GRAMD1B: variants seen among roughly 807,000 people sequenced by gnomAD.
The protein encoded by GRAMD1B is protein Aster-B.
A neutral mutation model predicts 99.7 loss-of-function variants in GRAMD1B; 37 were observed. The observed-to-expected ratio is 0.37, with a 90% CI of 0.29 to 0.49. The LOEUF is 0.49. Ranked by LOEUF, GRAMD1B falls within the 20% of genes least tolerant of loss-of-function variation. The pLI, the probability that GRAMD1B is intolerant of heterozygous loss-of-function variation, is 0.98. For missense variants in GRAMD1B, 888 were observed against 1,009.2 expected, an observed-to-expected ratio of 0.88 and a Z score of 1.63; for synonymous variants, 427 against 387.6, an observed-to-expected ratio of 1.10 and a Z score of -1.19.
At chr11:123,408,449 G>A (rs753910648) in intron 1 of GRAMD1B, among the ~76,000 whole-genome samples, 10 of 152,216 alleles carry the variant, frequency 6.6e-5, no homozygotes, top group Non-Finnish European at 1.3e-4. Flanking sequence ...GTACTGGAAC[G>A]CAGAAGTCAC....
chr11:123,446,198 C>G (rs993361303), intron 1 of GRAMD1B, among the ~76,000 whole-genome samples: 1 of 152,072 alleles, frequency 6.6e-6, no homozygotes, highest in African/African-American at 2.4e-5. Context: ...TGGAGTCTCT[C>G]TTTGTCGCCC....
chr11:123,541,838 G>A (rs1259340420), intron 2 of GRAMD1B, among the ~76,000 whole-genome samples: 1 of 151,476 alleles, frequency 6.6e-6, no homozygotes, highest in Non-Finnish European at 1.5e-5. Flanking sequence ...TTTTTTTTGA[G>A]TCCTTCTGTG....
chr11:123,550,847 A>G (rs1257045882), intron 2 of GRAMD1B, among the ~76,000 whole-genome samples: 2 of 152,192 alleles, frequency 1.3e-5, no homozygotes, highest in Admixed American at 6.5e-5. Flanking sequence ...GGGACTCTCT[A>G]GAAATTCCAG....
chr11:123,427,978 A>G (rs576018666), upstream of GRAMD1B, among the ~76,000 whole-genome samples: 1 of 152,316 alleles, frequency 6.6e-6, no homozygotes, highest in South Asian at 2.1e-4. Context: ...ACTTAAATTC[A>G]GAGTGCCCAG....
At chr11:123,384,472 A>C (rs975521595) in intron 1 of GRAMD1B, among the ~76,000 whole-genome samples, 3 of 152,196 alleles carry the variant, frequency 2.0e-5, no homozygotes, top group East Asian at 3.9e-4. Context: ...CCTTCCCCTA[A>C]ACCCTCTAGT....
chr11:123,445,979 A>G (rs1949626885), intron 1 of GRAMD1B, among the ~76,000 whole-genome samples: 5 of 152,160 alleles, frequency 3.3e-5, no homozygotes, highest in Admixed American at 3.3e-4. Context: ...AGTACAATCC[A>G]CACTCATGTT....
intron 1 of GRAMD1B, 54 bp downstream of exon 1, chr11:123,431,220 C>G: frequency 1.6e-6 from 1 of 638,106 alleles, no homozygotes; most frequent in Non-Finnish European, 2.8e-6. Flanking sequence ...TCTCCAGAGC[C>G]GTCCAGGGCC....
intron 1 of GRAMD1B, among the ~76,000 whole-genome samples, chr11:123,410,602 C>G (rs1948011499): frequency 6.6e-6 from 1 of 152,154 alleles, no homozygotes; most frequent in Non-Finnish European, 1.5e-5. Flanking sequence ...GCCAGTAGCA[C>G]CTGCAGACCA....
chr11:123,613,113 C>A (rs142329860), intron 15 of GRAMD1B: 1 of 560,108 alleles, frequency 1.8e-6, no homozygotes, highest in African/African-American at 1.9e-5. Flanking sequence ...CACCCCTCAC[C>A]CCAAAAGGAA....
Position 123,600,478 on chromosome 11 carries a change from C to T in GRAMD1B, c.980C>T (p.Thr327Ile). The change falls in exon 8 of 20, where the codon ACT becomes ATT. Residue 327 changes from threonine to isoleucine, a missense_variant. By Grantham distance (89) the Thr-to-Ile change is moderately conservative. This residue lies in a region of GRAMD1B where 269 missense variants were observed against 296.6 expected (regional missense o/e 0.91). Coordinates refer to ENST00000635736, the MANE Select transcript of GRAMD1B (RefSeq NM_001387025.1). ...TCTTTTCCAATCTAGCACTTCTTCACTTCGTTTGGGGCCCGGGATAGGACA... is the reference window on the plus strand; with the variant it reads ...TCTTTTCCAATCTAGCACTTCTTCATTTCGTTTGGGGCCCGGGATAGGACA... The part of the protein sequence containing the change: ...VCTDSEKHFF[T>I]SFGARDRTYM... 1.2e-6 allele frequency: 2 copies of T among 1,605,686 alleles called. No homozygotes were observed. Among genetic ancestry groups the T allele is most frequent in the Non-Finnish European group, 1.7e-6 (2 of 1,173,622 alleles).
At position 123,435,292 on chromosome 11, in the gene GRAMD1B, G is replaced by C. The variant is rs918818329; in HGVS notation, c.374+4126G>C. 22 of 626,844 alleles carry C rather than the reference G, an allele frequency of 3.5e-5. No homozygotes were observed. The African/African-American group carries it at 4.0e-4, about 11-fold the overall frequency. The allele number at this position is 626,844 out of a possible 1,614,324, so 38.8% of individuals were successfully genotyped here. On this transcript the variant is annotated intron_variant, in intron 1 of 19. Transcript: ENST00000635736. ...AGAGAGAAAAACACCTTTCAGGCTT[G>C]CTATGAAATTCAGCGTGATGTGGTA...
intron 1 of GRAMD1B, among the ~76,000 whole-genome samples, chr11:123,409,747 T>C (rs910032131): frequency 5.3e-5 from 8 of 152,202 alleles, no homozygotes; most frequent in African/African-American, 1.7e-4. Context: ...AAGGGCTTTA[T>C]TTCTGCTTTC....
At chr11:123,374,818 C>T (rs902033177) in intron 1 of GRAMD1B, among the ~76,000 whole-genome samples, 1 of 152,172 alleles carries the variant, frequency 6.6e-6, no homozygotes, top group African/African-American at 2.4e-5. Context: ...TCTGGTGCTG[C>T]GTTGCCATGA....
chr11:123,521,204 C>G (rs977240758), intron 2 of GRAMD1B, among the ~76,000 whole-genome samples: 2 of 152,184 alleles, frequency 1.3e-5, no homozygotes, highest in African/African-American at 4.8e-5. Context: ...TCCTTTCCAA[C>G]ACTTGATATT....
In GRAMD1B at chr11:123,413,788, A is replaced by C. The variant is rs538250656; in HGVS notation, c.-176+54989A>C. On this transcript the variant is annotated intron_variant, in intron 1 of 20. Transcript: ENST00000638157. Reference sequence around the variant, plus strand: ...GCTCCCGATGGGAGGCAGTTCTCTGACCTTCACTGACTCATGCTTTTCAAT... The same window carrying C: ...GCTCCCGATGGGAGGCAGTTCTCTGCCCTTCACTGACTCATGCTTTTCAAT... 1.1e-4 allele frequency among the ~76,000 whole-genome samples: 17 copies of C among 152,062 alleles called. 1 individual carries two copies. In the South Asian group the frequency reaches 3.5e-3, roughly 32 times the overall value.
intron 1 of GRAMD1B, among the ~76,000 whole-genome samples, chr11:123,462,271 A>G (rs2134509298): frequency 6.6e-6 from 1 of 152,200 alleles, no homozygotes; most frequent in South Asian, 2.1e-4. Flanking sequence ...CGGGCCAGTC[A>G]TTTGTTTATT....
chr11:123,434,122 C>T (rs1343553034), intron 1 of GRAMD1B, among the ~76,000 whole-genome samples: 5 of 147,836 alleles, frequency 3.4e-5, no homozygotes, highest in South Asian at 4.4e-4. Context: ...CCCAGCTACT[C>T]GGGAGGCTGA....
chr11:123,550,006 C>T (rs969804103), intron 2 of GRAMD1B, among the ~76,000 whole-genome samples: 9 of 152,126 alleles, frequency 5.9e-5, no homozygotes, highest in Non-Finnish European at 1.2e-4. Flanking sequence ...ACCTGGCAGC[C>T]TCTCAAAGCA....
rs571945288 is a variant in GRAMD1B, at chr11:123,532,433, G to T, written c.453-44934G>T. On this transcript the variant is annotated intron_variant, in intron 2 of 19. Coordinates refer to ENST00000635736, the MANE Select transcript of GRAMD1B (RefSeq NM_001387025.1). ...AAGCTGGAAGATGTGGCTTCTGAGT[G>T]CAGGAAGAGGGGAGAACTGGAAATA... Among the ~76,000 whole-genome samples, 5 of 152,370 alleles carry T rather than the reference G, an allele frequency of 3.3e-5. No individual in the cohort carries two copies. The East Asian group carries it at 9.6e-4, about 29-fold the overall frequency.
Sources: gnomAD v4.1 joint callset for allele counts (sites outside exome capture counted in the v4.1 genomes callset) on GRCh38, gnomAD v4.1.1 for gene constraint, gnomAD v4.1.1 regional missense constraint, MANE v1.5 for transcripts, NCBI Gene and HGNC (gene_info 2026-07-23, HGNC 2026-07-21) for gene names.